The following TCF20 variants were observed in gnomAD, a reference collection of about 807,000 sequenced individuals.
TCF20 encodes the protein SPRE-binding protein.
TCF20 carries 3 observed loss-of-function variants against 148.6 expected under a neutral mutation model. The ratio of observed to expected loss-of-function variants is 0.02; its 90% CI spans 0.01 to 0.05. The LOEUF (loss-of-function observed/expected upper bound fraction) is 0.05, where lower values mean the gene tolerates loss of function less well. Ranked by LOEUF, TCF20 falls within the 10% of genes least tolerant of loss-of-function variation. The pLI is 1.00. For missense variants in TCF20, 2,350 were observed against 2,429.3 expected (o/e 0.97, Z 0.69); for synonymous variants, 1,049 against 909.5 (o/e 1.15, Z -2.76).
At chr22:42,269,252 A>T (rs1324784629) in intron 1 of TCF20, among the ~76,000 whole-genome samples, 1 of 152,188 alleles carries the variant, frequency 6.6e-6, no homozygotes, top group Non-Finnish European at 1.5e-5. Context: ...ATAGCTCGAA[A>T]ATTCCATCCA....
chr22:42,256,941 TTGAGGCCAGG>T (rs1214939621), intron 1 of TCF20, among the ~76,000 whole-genome samples: 1 of 152,182 alleles, frequency 6.6e-6, no homozygotes. Flanking sequence ...AGAAGATTGC[TTGAGGCCAGG>T]AGTTCAAAAT....
intron 1 of TCF20, 189 bp from the exon 2 acceptor site, chr22:42,215,530 G>A: frequency 7.2e-6 from 5 of 690,412 alleles, no homozygotes; most frequent in Non-Finnish European, 1.1e-5. Context: ...GAGTGCAATT[G>A]CACGATCTCA....
intron 1 of TCF20, among the ~76,000 whole-genome samples, chr22:42,333,124 T>C (rs904472929): frequency 3.3e-5 from 5 of 152,272 alleles, no homozygotes; most frequent in South Asian, 2.1e-4. Flanking sequence ...TGTTTTTGCA[T>C]TGGCAAAATG....
intron 1 of TCF20, among the ~76,000 whole-genome samples, chr22:42,234,964 C>A (rs1454150087): frequency 1.3e-5 from 2 of 151,928 alleles, no homozygotes; most frequent in African/African-American, 4.8e-5. Context: ...CATGGTGAAA[C>A]CCCACCTCTA....
At chr22:42,336,345 C>T (rs1343194295) in intron 1 of TCF20, among the ~76,000 whole-genome samples, 1 of 152,194 alleles carries the variant, frequency 6.6e-6, no homozygotes, top group Admixed American at 6.5e-5. Flanking sequence ...CGGCTCCCGC[C>T]CCCTCTCCCC....
At chr22:42,173,243 T>TAA (rs1555910598) in intron 3 of TCF20, among the ~76,000 whole-genome samples, 2,401 of 137,366 alleles carry the variant, frequency 0.017, 66 homozygotes, top group African/African-American at 0.058. Context: ...ATACATTAAT[T>TAA]AAAAAAAAAA....
At chr22:42,262,326 T>C (rs1926072628) in intron 1 of TCF20, among the ~76,000 whole-genome samples, 1 of 152,070 alleles carries the variant, frequency 6.6e-6, no homozygotes, top group South Asian at 2.1e-4. Context: ...TATCATCTTA[T>C]GGAAATAGCA....
intron 1 of TCF20, among the ~76,000 whole-genome samples, chr22:42,310,461 C>G (rs1381305506): frequency 6.6e-6 from 1 of 151,474 alleles, no homozygotes; most frequent in East Asian, 1.9e-4. Flanking sequence ...GTAAGTGGTG[C>G]TAAGAGACTG....
At chr22:42,172,372 A>G (rs1407198516) in intron 3 of TCF20, among the ~76,000 whole-genome samples, 1 of 152,212 alleles carries the variant, frequency 6.6e-6, no homozygotes, top group African/African-American at 2.4e-5. Context: ...CTGCACCTAC[A>G]TGGCCAGCCA....
intron 1 of TCF20, among the ~76,000 whole-genome samples, chr22:42,303,706 AGAG>A (rs1927380229): frequency 6.6e-6 from 1 of 152,122 alleles, no homozygotes; most frequent in African/African-American, 2.4e-5. Flanking sequence ...CTTGCGGATT[AGAG>A]GAGATGGGTC....
intron 1 of TCF20, among the ~76,000 whole-genome samples, chr22:42,237,452 G>A (rs574055207): frequency 2.2e-4 from 33 of 152,228 alleles, no homozygotes; most frequent in African/African-American, 7.7e-4. Context: ...CTGAAGTCCT[G>A]AACCCCTCAA....
intron 2 of TCF20, among the ~76,000 whole-genome samples, chr22:42,197,322 C>CTTTTT (rs546243265): frequency 7.5e-6 from 1 of 134,226 alleles, no homozygotes; most frequent in Non-Finnish European, 1.6e-5. Context: ...AGATGAGAAA[C>CTTTTT]TTTTTTTTTT....
intron 1 of TCF20, among the ~76,000 whole-genome samples, chr22:42,241,675 A>C (rs1429973544): frequency 6.6e-6 from 1 of 152,128 alleles, no homozygotes; most frequent in South Asian, 2.1e-4. Flanking sequence ...AAAAGTACAA[A>C]AATTGGCCAG....
intron 2 of TCF20, among the ~76,000 whole-genome samples, chr22:42,201,937 G>C (rs1938057906): frequency 6.6e-6 from 1 of 152,226 alleles, no homozygotes; most frequent in South Asian, 2.1e-4. Context: ...TCTGTCTTTT[G>C]AGAGATATAA....
At chr22:42,340,706 G>T (rs1928148696) in intron 1 of TCF20, among the ~76,000 whole-genome samples, 1 of 152,154 alleles carries the variant, frequency 6.6e-6, no homozygotes, top group East Asian at 1.9e-4. Context: ...AGCAGTAGAG[G>T]GCCTAACCCA....
intron 1 of TCF20, among the ~76,000 whole-genome samples, chr22:42,327,506 C>T (rs1196378269): frequency 1.3e-5 from 2 of 152,188 alleles, no homozygotes; most frequent in African/African-American, 2.4e-5. Context: ...ACAGGAGACA[C>T]GGCTCACTCA....
At chr22:42,240,885 G>C (rs1221577620) in intron 1 of TCF20, among the ~76,000 whole-genome samples, 1 of 151,250 alleles carries the variant, frequency 6.6e-6, no homozygotes, top group African/African-American at 2.4e-5. Flanking sequence ...ACAGAGTCTT[G>C]CTCTGTCCCC....
intron 1 of TCF20, among the ~76,000 whole-genome samples, chr22:42,258,469 T>C (rs1330153697): frequency 1.3e-5 from 2 of 152,106 alleles, no homozygotes; most frequent in Non-Finnish European, 2.9e-5. Flanking sequence ...CAATCCAACA[T>C]CCTCTCACTC....
Position 42,209,849 on chromosome 22 carries a change from C to G in TCF20, c.5457G>C (p.Lys1819Asn), listed in dbSNP as rs767109405. The change falls in exon 2 of 6, where the codon AAG (lysine) becomes AAC (asparagine). Residue 1819 changes from lysine (K) to asparagine (N), a missense_variant. Coordinates refer to ENST00000677622, the MANE Select transcript of TCF20 (RefSeq NM_001378418.1). ...CGGAGGGCTTCGAGTCCAAAACAGT[C>G]TTTTCACTGCTGCCCTCAGTGGCTG... ...KKAATEGSSE[K>N]TVLDSKPSVP... 6.2e-7 allele frequency: 1 copy of G among 1,614,196 alleles called. No homozygotes were observed. Among genetic ancestry groups the G allele is most frequent in the Non-Finnish European group, 8.5e-7 (1 of 1,180,038 alleles).
Sources: gnomAD v4.1 joint callset for allele counts (sites outside exome capture counted in the v4.1 genomes callset) on GRCh38, gnomAD v4.1.1 for gene constraint, MANE v1.5 for transcripts, NCBI Gene and HGNC (gene_info 2026-07-23, HGNC 2026-07-21) for gene names.